Variants in ATP10A observed in about 807,000 individuals in gnomAD.
ATP10A encodes phospholipid-transporting ATPase VA.
ATP10A carries 111 observed loss-of-function variants against 147.8 expected under a neutral mutation model. The ratio of observed to expected loss-of-function variants is 0.75; its 90% confidence interval spans 0.64 to 0.88. The LOEUF is 0.88. ATP10A is among the 40% of genes least tolerant of loss of function. The pLI is 0.00. For missense variants in ATP10A, 1,927 were observed against 1,959.0 expected (o/e 0.98, Z 0.31); for synonymous variants, 875 against 841.6 (o/e 1.04, Z -0.69).
chr15:25,713,881 C>G lies in ATP10A; in HGVS notation c.2137G>C (p.Val713Leu). Residue 713 changes from valine (V) to leucine (L), a missense_variant, in exon 10 of 21, where the codon GTG (valine) becomes CTG (leucine). Val to Leu is a conservative substitution (Grantham distance 32, BLOSUM62 1). Transcript: ENST00000555815. ...TGGTCGTGCAGCCGCTCCACAAGCA[C>G]GCAGTTGTAGGCTCTGGCCGCATAC... ...LVYAARAYNC[V>L]LVERLHDQVS... 1 of 1,613,836 alleles carries G rather than the reference C, an allele frequency of 6.2e-7. No individual in the cohort carries two copies. Among genetic ancestry groups the G allele is most frequent in the Non-Finnish European group, 8.5e-7 (1 of 1,180,050 alleles).
At position 25,680,042 on chromosome 15, in the gene ATP10A, C is replaced by A; in HGVS notation, c.3867-68G>T. On this transcript the variant is annotated intron_variant, in intron 20 of 20. Coordinates refer to ENST00000555815, the MANE Select transcript of ATP10A (RefSeq NM_024490.4). ...GGTGGTGTCTTTGAGCTTCCAGAGA[C>A]CCACATAGAGCAGAAGCAATGCCAA... 2.5e-6 allele frequency: 4 copies of A among 1,582,894 alleles called. No homozygotes were observed. The South Asian group carries it at 3.4e-5, about 13-fold the overall frequency.
intron 8 of ATP10A, 87 bp downstream of exon 8, chr15:25,718,095 T>C: frequency 7.1e-7 from 1 of 1,399,334 alleles, no homozygotes; most frequent in African/African-American, 1.4e-5. Flanking sequence ...TTTGTAGGAT[T>C]AAATATAGAC....
rs759571053 is a variant in ATP10A, at chr15:25,679,388, G to T, written c.4453C>A (p.Pro1485Thr). The T allele has an allele frequency of 1.9e-6, 3 of 1,607,850 alleles. No individual in the cohort carries two copies. The highest frequency in any genetic ancestry group is 2.2e-5 in the South Asian group (2 of 90,936). Reference sequence around the variant, plus strand: ...GCTCCTATAAGTAGTCTGTGGTCTGGCCCTTGAAGTCCTGATCGGCCTGAG... The same window carrying T: ...GCTCCTATAAGTAGTCTGTGGTCTGTCCCTTGAAGTCCTGATCGGCCTGAG... ...PHSGRSGLQG[P>T]DHRLLIGASS... Residue 1485 changes from proline (P) to threonine (T), a missense_variant, in exon 21 of 21, where the codon CCA becomes ACA. Transcript: ENST00000555815.
At chr15:25,775,555 TCTTC>T (rs1329732610) in intron 2 of ATP10A, among the ~76,000 whole-genome samples, 1 of 152,238 alleles carries the variant, frequency 6.6e-6, no homozygotes, top group Non-Finnish European at 1.5e-5. Flanking sequence ...CTTTTATCTT[TCTTC>T]CTTATTTGGA....
chr15:25,849,962 A>C (rs774607322), intron 1 of ATP10A, among the ~76,000 whole-genome samples: 14 of 152,366 alleles, frequency 9.2e-5, no homozygotes, highest in South Asian at 4.1e-4. Flanking sequence ...GAATAAATAA[A>C]ATAATGACAA....
chr15:25,826,059 C>T, intron 1 of ATP10A, among the ~76,000 whole-genome samples: 1 of 152,172 alleles, frequency 6.6e-6, no homozygotes, highest in South Asian at 2.1e-4. Flanking sequence ...ATCTCAACAG[C>T]AGATTTCTGA....
intron 2 of ATP10A, among the ~76,000 whole-genome samples, chr15:25,767,366 C>A (rs746845891): frequency 1.2e-4 from 18 of 152,320 alleles, no homozygotes; most frequent in Admixed American, 3.9e-4. Flanking sequence ...ACATCCCGGA[C>A]AGCGAGTCTG....
At chr15:25,732,502 A>G (rs563684980) in intron 3 of ATP10A, among the ~76,000 whole-genome samples, 14 of 150,748 alleles carry the variant, frequency 9.3e-5, no homozygotes, top group African/African-American at 3.2e-4. Context: ...GCAACTGCCA[A>G]TCCACTTTCT....
At chr15:25,817,349 C>T (rs1454149014) in intron 1 of ATP10A, among the ~76,000 whole-genome samples, 1 of 152,230 alleles carries the variant, frequency 6.6e-6, no homozygotes, top group Non-Finnish European at 1.5e-5. Flanking sequence ...TCCCAAAGTG[C>T]TGGGATTGCA....
intron 1 of ATP10A, among the ~76,000 whole-genome samples, chr15:25,847,897 G>T (rs868556154): frequency 1.4e-4 from 22 of 152,132 alleles, no homozygotes; most frequent in African/African-American, 5.3e-4. Flanking sequence ...CTCCCAAAGT[G>T]CTGGGATTAC....
At chr15:25,802,600 G>T (rs1890990639) in intron 1 of ATP10A, among the ~76,000 whole-genome samples, 1 of 152,202 alleles carries the variant, frequency 6.6e-6, no homozygotes, top group African/African-American at 2.4e-5. Flanking sequence ...TGGAGTCTCA[G>T]CGGAGAGTAT....
At chr15:25,698,554 T>C (rs1411075153) in intron 13 of ATP10A, among the ~76,000 whole-genome samples, 1 of 152,234 alleles carries the variant, frequency 6.6e-6, no homozygotes, top group Non-Finnish European at 1.5e-5. Flanking sequence ...AGGCTATGAA[T>C]AGTCAAGTTT....
chr15:25,820,681 T>C (rs985416726), intron 1 of ATP10A, among the ~76,000 whole-genome samples: 1 of 152,152 alleles, frequency 6.6e-6, no homozygotes, highest in Admixed American at 6.5e-5. Context: ...AAAGGTCGAA[T>C]TTTATGTGGT....
upstream of ATP10A, among the ~76,000 whole-genome samples, chr15:25,864,079 T>A (rs1597017975): frequency 7.6e-6 from 1 of 130,892 alleles, no homozygotes. Context: ...GCTGTAGCTC[T>A]GAGGTGGCTG....
intron 1 of ATP10A, among the ~76,000 whole-genome samples, chr15:25,784,619 C>T (rs948856441): frequency 2.0e-5 from 3 of 152,088 alleles, no homozygotes; most frequent in South Asian, 2.1e-4. Flanking sequence ...GCAGAAAGGA[C>T]GCTGGCTTCT....
intron 2 of ATP10A, among the ~76,000 whole-genome samples, chr15:25,778,985 T>TCCTGC (rs1889761933): frequency 6.6e-6 from 1 of 152,188 alleles, no homozygotes; most frequent in South Asian, 2.1e-4. Context: ...CAAGCGATTC[T>TCCTGC]CCTGCCTCAG....
At chr15:25,681,520 T>C (rs1899409390) in intron 17 of ATP10A, among the ~76,000 whole-genome samples, 1 of 152,182 alleles carries the variant, frequency 6.6e-6, no homozygotes, top group African/African-American at 2.4e-5. Context: ...AGAGAGCCTC[T>C]CTCTGTTTGC....
chr15:25,685,757 G>C (rs1271428463), intron 16 of ATP10A, among the ~76,000 whole-genome samples: 1 of 151,250 alleles, frequency 6.6e-6, no homozygotes, highest in Non-Finnish European at 1.5e-5. Context: ...CTAGGAGTTT[G>C]AGGATACAGT....
Position 25,679,430 on chromosome 15 carries a change from G to T in ATP10A, c.4411C>A (p.Leu1471Ile). The T allele has an allele frequency of 1.9e-6, 3 of 1,613,984 alleles. No individual in the cohort carries two copies. Among genetic ancestry groups the T allele is most frequent in the Non-Finnish European group, 2.5e-6 (3 of 1,179,896 alleles). ...QLADGQAGRG[L>I]PVQPHSGRSG... ...CGGCCTGAGTGGGGCTGGACAGGAAGTCCACGTCCCGCTTGTCCATCTGCA... is the reference window on the plus strand; with the variant it reads ...CGGCCTGAGTGGGGCTGGACAGGAATTCCACGTCCCGCTTGTCCATCTGCA... Residue 1471 changes from leucine to isoleucine, a missense_variant, in exon 21 of 21, where the codon CTT becomes ATT. Transcript: ENST00000555815.
Sources: gnomAD v4.1 joint callset for allele counts (sites outside exome capture counted in the v4.1 genomes callset) on GRCh38, gnomAD v4.1.1 for gene constraint, MANE v1.5 for transcripts, NCBI Gene and HGNC (gene_info 2026-07-23, HGNC 2026-07-21) for gene names.